PCDHGA1: variants seen among roughly 807,000 people sequenced by gnomAD.
PCDHGA1 encodes the protein protocadherin gamma-A1.
Under a neutral mutation model 58.0 loss-of-function variants are expected in PCDHGA1, and 32 were observed. The ratio of observed to expected loss-of-function variants is 0.55; its 90% CI spans 0.42 to 0.74. PCDHGA1 has a LOEUF of 0.74. PCDHGA1 is among the 30% of genes least tolerant of loss of function. The pLI is 0.00. For missense variants in PCDHGA1, 1,205 were observed against 1,182.3 expected (o/e 1.02, Z -0.28); for synonymous variants, 498 against 501.1 (o/e 0.99, Z 0.08).
Position 141,489,465 on chromosome 5 carries a change from T to C in PCDHGA1, c.2422-5342T>C. On this transcript the variant is annotated intron_variant, in intron 1 of 3. Transcript: ENST00000517417. The surrounding 1 kb of genome is among the most constrained non-coding windows in gnomAD (Gnocchi z 4.5). The stretch of plus-strand genomic sequence containing the variant: ...GCTCTGAGGAGAATGGGCGCTATTT[T>C]TCCCTGAGCTTGATGAGTGGTGCCC... The C allele has an allele frequency of 1.2e-6, 2 of 1,614,082 alleles. No homozygotes were observed. The highest frequency in any genetic ancestry group is 1.3e-5 in the African/African-American group (1 of 75,042).
Position 141,477,983 on chromosome 5 carries a change from C to T in PCDHGA1, c.2422-16824C>T. 1 of 1,614,126 alleles carries T rather than the reference C, an allele frequency of 6.2e-7. No individual in the cohort carries two copies. Among genetic ancestry groups the T allele is most frequent in the Non-Finnish European group, 8.5e-7 (1 of 1,180,024 alleles). ...TAACCAGAGCCTTTTTGCCATAGGGCTGCACACTGGTCAAATCAGTACTGC... is the reference window on the plus strand; with the variant it reads ...TAACCAGAGCCTTTTTGCCATAGGGTTGCACACTGGTCAAATCAGTACTGC... On this transcript the variant is annotated intron_variant, in intron 1 of 3. Coordinates refer to ENST00000517417, the MANE Select transcript of PCDHGA1 (RefSeq NM_018912.3). The surrounding 1 kb of genome is among the most constrained non-coding windows in gnomAD (Gnocchi z 4.9).
In PCDHGA1 at chr5:141,512,739, T is replaced by C. The variant is rs1251649814; in HGVS notation, c.*1566T>C. The stretch of plus-strand genomic sequence containing the variant: ...GGCGGGTGGGCAGCGGGCGGCGGGC[T>C]CCGCGCAGCCGTCTGTCCTTGATCT... On this transcript the variant is annotated 3_prime_UTR_variant, in exon 4 of 4. Transcript: ENST00000517417. 1 of 152,822 alleles carries C rather than the reference T, an allele frequency of 6.5e-6. No individual in the cohort carries two copies. The highest frequency in any genetic ancestry group is 2.4e-5 in the African/African-American group (1 of 41,464). 9.5% of individuals were successfully genotyped at this position (152,822 alleles called of 1,614,324 possible).
At position 141,431,871 on chromosome 5, in the gene PCDHGA1, T is replaced by C; in HGVS notation, c.2422-62936T>C. The C allele has an allele frequency of 1.9e-6, 3 of 1,614,234 alleles. No homozygotes were observed. The highest frequency in any genetic ancestry group is 2.5e-6 in the Non-Finnish European group (3 of 1,180,032). The stretch of plus-strand genomic sequence containing the variant: ...GGGACATTAATTGCCCTTTTAAATG[T>C]AAATGACCAAGATTCTGAGGAAAAC... On this transcript the variant is annotated intron_variant, in intron 1 of 3. Coordinates refer to ENST00000517417, the MANE Select transcript of PCDHGA1 (RefSeq NM_018912.3). The surrounding 1 kb of genome is among the most constrained non-coding windows in gnomAD (Gnocchi z 4.8).
At chr5:141,427,365 TG>T (rs1391779401) in intron 1 of PCDHGA1, 2 of 457,804 alleles carry the variant, frequency 4.4e-6, no homozygotes, top group Non-Finnish European at 8.8e-6. Flanking sequence ...CGCAGAACCC[TG>T]GACGGTGATC....
chr5:141,422,871 G>A (rs769543752), intron 1 of PCDHGA1: 1 of 1,614,216 alleles, frequency 6.2e-7, no homozygotes, highest in Admixed American at 1.7e-5. Context: ...GCAACGTGTC[G>A]CTGAGCCTGT....
chr5:141,416,308 T>C (rs1472911605), intron 1 of PCDHGA1: 1 of 152,266 alleles, frequency 6.6e-6, no homozygotes, highest in East Asian at 1.9e-4. Context: ...ATGTGGAAGA[T>C]ATAGCATTTT....
At chr5:141,430,383 G>A (rs527531595) in intron 1 of PCDHGA1, among the ~76,000 whole-genome samples, 74 of 138,604 alleles carry the variant, frequency 5.3e-4, no homozygotes, top group Admixed American at 8.6e-4. Flanking sequence ...AGCTCATTGG[G>A]AAAAAAAAAA....
At chr5:141,481,913 CA>C (rs34114744) in intron 1 of PCDHGA1, among the ~76,000 whole-genome samples, 39,195 of 90,872 alleles carry the variant, frequency 0.43, 5,902 homozygotes, top group Admixed American at 0.51. Flanking sequence ...AACTCCATCT[CA>C]AAAAAAAAAA....
intron 1 of PCDHGA1, chr5:141,408,164 A>G (rs2095051548): frequency 6.6e-7 from 1 of 1,520,576 alleles, no homozygotes; most frequent in South Asian, 1.3e-5. Context: ...ACTTTCTCCA[A>G]CTGGAAAAGC....
intron 1 of PCDHGA1, chr5:141,405,100 G>A (rs764536213): frequency 1.2e-6 from 2 of 1,613,924 alleles, no homozygotes; most frequent in Non-Finnish European, 1.7e-6. Context: ...CCCTCAGGCT[G>A]AGGCACTGGC....
Position 141,330,670 on chromosome 5 carries a change from C to T in PCDHGA1, c.-15C>T. The T allele has an allele frequency of 6.3e-7, 1 of 1,587,900 alleles. No individual in the cohort carries two copies. The highest frequency in any genetic ancestry group is 8.6e-7 in the Non-Finnish European group (1 of 1,165,358). ...TTGGTACTGGACTGGAAGAAAACTA[C>T]GAAGTGAGAGAGCCATGAAGATTCA... is the stretch of plus-strand genomic sequence containing the variant. On this transcript the variant is annotated 5_prime_UTR_variant, in exon 1 of 4. In the 5' UTR this introduces an upstream ATG that the reference lacks. Coordinates refer to ENST00000517417, the MANE Select transcript of PCDHGA1 (RefSeq NM_018912.3).
intron 1 of PCDHGA1, chr5:141,370,571 G>A (rs970814015): frequency 1.2e-6 from 2 of 1,613,816 alleles, no homozygotes; most frequent in African/African-American, 1.3e-5. Flanking sequence ...TTGGCGTGGG[G>A]GATTTACCTA....
chr5:141,390,561 G>A (rs921631416), intron 1 of PCDHGA1: 1 of 436,212 alleles, frequency 2.3e-6, no homozygotes, highest in African/African-American at 2.0e-5. Flanking sequence ...TTAGACAGTT[G>A]TTGGCTCTCT....
chr5:141,395,127 C>T (rs767438347), intron 1 of PCDHGA1: 2 of 1,614,200 alleles, frequency 1.2e-6, no homozygotes, highest in African/African-American at 1.3e-5. Context: ...GATCTTTCCC[C>T]AGCCCAACTA....
chr5:141,473,017 A>AGAAG (rs1484773075), intron 1 of PCDHGA1, among the ~76,000 whole-genome samples: 3 of 151,764 alleles, frequency 2.0e-5, no homozygotes, highest in African/African-American at 4.8e-5. Flanking sequence ...AGAAAAAGAA[A>AGAAG]GAAGGAAGGA....
intron 1 of PCDHGA1, among the ~76,000 whole-genome samples, chr5:141,446,664 G>A (rs116573282): frequency 0.012 from 1,821 of 152,192 alleles, 38 homozygotes; most frequent in African/African-American, 0.042. Context: ...TTTAGTACAA[G>A]ACAGCATTTC....
chr5:141,341,879 C>T (rs3806839), intron 1 of PCDHGA1: 73,433 of 161,462 alleles, frequency 0.45, 18,776 homozygotes, highest in East Asian at 0.58. Flanking sequence ...TAATACATTT[C>T]TTTCAGTTTG....
At chr5:141,386,790 C>T (rs546308515) in intron 1 of PCDHGA1, among the ~76,000 whole-genome samples, 2 of 152,232 alleles carry the variant, frequency 1.3e-5, no homozygotes, top group South Asian at 4.2e-4. Flanking sequence ...AATCTCCTGA[C>T]CAAAATTTAT....
At chr5:141,372,835 C>G in intron 1 of PCDHGA1, 2 of 1,535,142 alleles carry the variant, frequency 1.3e-6, no homozygotes, top group Non-Finnish European at 1.8e-6. Flanking sequence ...CCTTTCCTTC[C>G]ATAAATATAA....
Sources: allele counts gnomAD v4.1 joint callset (sites outside exome capture counted in the v4.1 genomes callset), GRCh38; gene constraint gnomAD v4.1.1; non-coding constraint Gnocchi (gnomAD v3.1); transcripts MANE v1.5; gene names NCBI Gene and HGNC (gene_info 2026-07-23, HGNC 2026-07-21).